PIK3AP1: variants seen among roughly 807,000 people sequenced by gnomAD.
The protein encoded by PIK3AP1 is phosphoinositide 3-kinase adapter protein 1.
In PIK3AP1, 21 loss-of-function variants were observed where a neutral mutation model predicts 88.1. The observed-to-expected ratio is 0.24, with a 90% CI of 0.17 to 0.34. The LOEUF is 0.34. Ranked by LOEUF, PIK3AP1 falls within the 10% of genes least tolerant of loss-of-function variation. The pLI, the probability that PIK3AP1 is intolerant of heterozygous loss-of-function variation, is 1.00. For missense variants in PIK3AP1, 828 were observed against 1,035.7 expected (o/e 0.80, Z 2.75); for synonymous variants, 398 against 400.0 (o/e 1.00, Z 0.06).
At chr10:96,621,684 C>A in intron 11 of PIK3AP1, 1 of 152,530 alleles carries the variant, frequency 6.6e-6, no homozygotes, top group Non-Finnish European at 1.5e-5. Context: ...CAGGCCCTCC[C>A]ACTGCATCAG....
chr10:96,629,979 G>GAAAAT (rs1423279268), intron 8 of PIK3AP1, among the ~76,000 whole-genome samples: 1 of 102,908 alleles, frequency 9.7e-6, no homozygotes, highest in Non-Finnish European at 2.1e-5. Context: ...GAAAAGAAAA[G>GAAAAT]AAACCCTGGA....
At chr10:96,662,602 C>T (rs1843703719) in intron 2 of PIK3AP1, among the ~76,000 whole-genome samples, 1 of 149,618 alleles carries the variant, frequency 6.7e-6, no homozygotes, top group African/African-American at 2.5e-5. Context: ...AAACTCCGGC[C>T]GGGCGCGGTG....
chr10:96,600,218 C>T (rs1031514342), intron 16 of PIK3AP1, among the ~76,000 whole-genome samples: 2 of 152,192 alleles, frequency 1.3e-5, no homozygotes, highest in African/African-American at 2.4e-5. Context: ...CAATCTCAAG[C>T]CCCAGTTTCT....
chr10:96,688,527 G>A (rs760842351), intron 2 of PIK3AP1, among the ~76,000 whole-genome samples: 6 of 152,144 alleles, frequency 3.9e-5, no homozygotes, highest in South Asian at 4.1e-4. Flanking sequence ...GGCTGGGCGC[G>A]GTGGCTCACG....
chr10:96,689,575 C>CA (rs56828361), intron 2 of PIK3AP1, among the ~76,000 whole-genome samples: 35,340 of 70,024 alleles, frequency 0.5, 8,458 homozygotes, highest in Middle Eastern at 0.64. Flanking sequence ...GACTCTGTCT[C>CA]AAAAAAAAAA....
intron 1 of PIK3AP1, among the ~76,000 whole-genome samples, chr10:96,710,643 A>G (rs1053029779): frequency 4.6e-5 from 7 of 152,188 alleles, no homozygotes; most frequent in Non-Finnish European, 4.4e-5. Flanking sequence ...TAATAATCGC[A>G]ACAGCAAACA....
intron 13 of PIK3AP1, among the ~76,000 whole-genome samples, chr10:96,612,946 GTGTGTATATATATATATA>G (rs1240755551): frequency 5.4e-4 from 23 of 42,210 alleles, no homozygotes; most frequent in African/African-American, 1.9e-3. Context: ...AATTGTGTGT[GTGTGTATATATATATATA>G]TATATATATA....
At chr10:96,708,723 C>T (rs983032851) in intron 2 of PIK3AP1, among the ~76,000 whole-genome samples, 1 of 152,052 alleles carries the variant, frequency 6.6e-6, no homozygotes, top group East Asian at 1.9e-4. Flanking sequence ...TCACTAACCC[C>T]GGCAGAAAGG....
chr10:96,710,096 C>A, intron 1 of PIK3AP1, 113 bp from the exon 2 acceptor site: 5 of 1,041,188 alleles, frequency 4.8e-6, no homozygotes, highest in Non-Finnish European at 5.5e-6. Context: ...CACAATCTTT[C>A]GTGGTGTGCC....
chr10:96,644,906 T>G (rs1033234289), intron 8 of PIK3AP1, among the ~76,000 whole-genome samples: 7 of 152,272 alleles, frequency 4.6e-5, no homozygotes, highest in African/African-American at 1.7e-4. Context: ...ATGCCAACAT[T>G]ATTCCCATCA....
chr10:96,651,240 C>T lies in PIK3AP1; in HGVS notation c.988+8G>A. The stretch of plus-strand genomic sequence containing the variant: ...CGTTGGTTTCCTGAGGTTTGACTGT[C>T]AACTTACTTGTCATCATATCTTCTT... On this transcript the variant is annotated splice_region_variant and intron_variant, in intron 6 of 16. Transcript: ENST00000339364. 6.2e-7 allele frequency: 1 copy of T among 1,614,210 alleles called. No individual in the cohort carries two copies. Among genetic ancestry groups the T allele is most frequent in the Non-Finnish European group, 8.5e-7 (1 of 1,180,036 alleles).
chr10:96,622,637 A>C (rs1843100495), intron 11 of PIK3AP1, among the ~76,000 whole-genome samples: 1 of 152,184 alleles, frequency 6.6e-6, no homozygotes, highest in Non-Finnish European at 1.5e-5. Flanking sequence ...CAGTGGAGGA[A>C]AAAACAAAAT....
intron 13 of PIK3AP1, among the ~76,000 whole-genome samples, chr10:96,611,478 ATTGT>A (rs1313582139): frequency 4.0e-5 from 6 of 151,146 alleles, no homozygotes; most frequent in African/African-American, 7.3e-5. Context: ...TTTAAAAATC[ATTGT>A]TTGTTTGAGA....
intron 2 of PIK3AP1, among the ~76,000 whole-genome samples, chr10:96,671,269 G>GC (rs1843842287): frequency 6.6e-6 from 1 of 152,174 alleles, no homozygotes; most frequent in South Asian, 2.1e-4. Flanking sequence ...TGAGAGGCTT[G>GC]CAATGGTGGG....
rs552294051 is a variant in PIK3AP1 at position 96,646,557 on chromosome 10, C to G, written c.1186-895G>C. ...CACGCAGAAATTCAAATGAGCTGAA[C>G]AGGAATGCAGCTAAGGTGTTCTCGC... On this transcript the variant is annotated intron_variant, in intron 7 of 16. Transcript: ENST00000339364. Among the ~76,000 whole-genome samples, 3 of 152,188 alleles carry G rather than the reference C, an allele frequency of 2.0e-5. No homozygotes were observed. The East Asian group carries it at 5.8e-4, about 29-fold the overall frequency.
chr10:96,705,976 C>T (rs564545285), intron 2 of PIK3AP1, among the ~76,000 whole-genome samples: 117 of 141,554 alleles, frequency 8.3e-4, no homozygotes, highest in African/African-American at 3.1e-3. Context: ...TCACTGCAAG[C>T]TCCGCCTCCC....
intron 2 of PIK3AP1, among the ~76,000 whole-genome samples, chr10:96,701,669 G>A (rs1178411317): frequency 6.6e-6 from 1 of 152,148 alleles, no homozygotes; most frequent in Non-Finnish European, 1.5e-5. Context: ...AAAATAAATA[G>A]CAGTAAGGAA....
intron 2 of PIK3AP1, among the ~76,000 whole-genome samples, chr10:96,695,543 T>C (rs1844208581): frequency 6.6e-6 from 1 of 152,148 alleles, no homozygotes; most frequent in Non-Finnish European, 1.5e-5. Flanking sequence ...GGCAAGCTGG[T>C]AGACAAAATA....
rs182844757 is a variant in PIK3AP1 at position 96,605,100 on chromosome 10, C to T, written c.2171-1051G>A. Among the ~76,000 whole-genome samples, 45 of 152,268 alleles carry T rather than the reference C, an allele frequency of 3.0e-4. 1 individual carries two copies. Among genetic ancestry groups the T allele is most frequent in the East Asian group, 1.5e-3 (8 of 5,186 alleles). The stretch of plus-strand genomic sequence containing the variant: ...GTCTCAAACTCCTGACCTCATGATC[C>T]GTCCACCTCGGCCTCCCAAAGAGCT... On this transcript the variant is annotated intron_variant, in intron 14 of 16. Transcript: ENST00000339364.
Sources: allele counts gnomAD v4.1 joint callset (sites outside exome capture counted in the v4.1 genomes callset), GRCh38; gene constraint gnomAD v4.1.1; transcripts MANE v1.5; gene names NCBI Gene and HGNC (gene_info 2026-07-23, HGNC 2026-07-21).